The following TNNI3K variants were observed in gnomAD, a reference collection of about 807,000 sequenced individuals.
The protein encoded by TNNI3K is serine/threonine-protein kinase TNNI3K.
TNNI3K carries 140 observed loss-of-function variants against 114.5 expected under a neutral mutation model. The observed-to-expected ratio is 1.22, with a 90% CI of 1.07 to 1.41. The LOEUF (loss-of-function observed/expected upper bound fraction) is 1.41, where lower values mean the gene tolerates loss of function less well. Ranked by LOEUF, TNNI3K falls within the 40% of genes most tolerant of loss-of-function variation. The probability of loss-of-function intolerance (pLI) is 0.00; values close to 1 mark genes in which losing one functional copy is unlikely to be tolerated. For synonymous variants in TNNI3K, 347 were observed against 347.5 expected (o/e 1.00, Z 0.02); for missense variants, 1,125 against 1,007.6 (o/e 1.12, Z -1.58).
At chr1:74,373,800 A>T (rs1183097886) in intron 17 of TNNI3K, 4 of 151,634 alleles carry the variant, frequency 2.6e-5, no homozygotes, top group Non-Finnish European at 5.9e-5. Flanking sequence ...TGTTTGAGTG[A>T]AAAAAAAGAA....
intron 23 of TNNI3K, among the ~76,000 whole-genome samples, chr1:74,521,685 C>G (rs536348783): frequency 6.6e-6 from 1 of 152,256 alleles, no homozygotes; most frequent in East Asian, 1.9e-4. Context: ...AGTCGCTATT[C>G]TCGCAGAGTT....
At chr1:74,465,482 C>T (rs1389010861) in intron 21 of TNNI3K, among the ~76,000 whole-genome samples, 2 of 152,350 alleles carry the variant, frequency 1.3e-5, no homozygotes, top group African/African-American at 4.8e-5. Context: ...CACCAGGCCT[C>T]AGCTGCCTCC....
rs1479301084 is a variant in TNNI3K at position 74,236,186 on chromosome 1, T to C, written c.125T>C (p.Leu42Pro). 1.2e-6 allele frequency: 2 copies of C among 1,607,196 alleles called. No individual in the cohort carries two copies. The highest frequency in any genetic ancestry group is 1.7e-6 in the Non-Finnish European group (2 of 1,175,386). Residue 42 changes from leucine (L) to proline (P), a missense_variant, in exon 2 of 25, where the codon CTG (leucine) becomes CCG (proline). Transcript: ENST00000326637. ...GACCTGCAGATCAAGGAAAAAGAAC[T>C]GACAGAACTAAGGAATATATTTGGG... ...EDDLQIKEKELTELRNIFGSD... is the reference protein window; with the variant it reads ...EDDLQIKEKEPTELRNIFGSD...
chr1:74,381,988 A>C (rs1292972049), intron 17 of TNNI3K, among the ~76,000 whole-genome samples: 1 of 152,170 alleles, frequency 6.6e-6, no homozygotes, highest in Non-Finnish European at 1.5e-5. Context: ...TGTGTATAGC[A>C]CCTATGTGGT....
chr1:74,423,629 G>A (rs926074449), intron 17 of TNNI3K, among the ~76,000 whole-genome samples: 12 of 152,126 alleles, frequency 7.9e-5, no homozygotes, highest in African/African-American at 2.2e-4. Flanking sequence ...AAAATATCTC[G>A]CTGTGTTACC....
At chr1:74,513,623 G>A (rs1458508968) in intron 23 of TNNI3K, among the ~76,000 whole-genome samples, 1 of 152,164 alleles carries the variant, frequency 6.6e-6, no homozygotes, top group Non-Finnish European at 1.5e-5. Context: ...AGTGTTAAAT[G>A]TTTAACATCT....
rs1460468795 is a variant in TNNI3K at position 74,342,950 on chromosome 1, A to T, written c.791A>T (p.His264Leu). The T allele has an allele frequency of 1.9e-6, 3 of 1,613,760 alleles. No homozygotes were observed. The South Asian group carries it at 3.3e-5, about 18-fold the overall frequency. The stretch of plus-strand genomic sequence containing the variant: ...CAAAGTGATTTGGAAGTTCAACCTC[A>T]TGTTGTTAATATCTATGGAGATACC... ...LLQSDLEVQP[H>L]VVNIYGDTPL... The change falls in exon 8 of 25, where the codon CAT becomes CTT. Residue 264 changes from histidine (H) to leucine (L), a missense_variant. Transcript: ENST00000326637.
At chr1:74,517,645 T>C (rs1646368331) in intron 23 of TNNI3K, among the ~76,000 whole-genome samples, 1 of 152,180 alleles carries the variant, frequency 6.6e-6, no homozygotes, top group African/African-American at 2.4e-5. Context: ...CAACCTCAAT[T>C]AGGTTCTATT....
chr1:74,410,754 G>T (rs792695), intron 17 of TNNI3K, among the ~76,000 whole-genome samples: 2 of 152,166 alleles, frequency 1.3e-5, no homozygotes, highest in African/African-American at 4.8e-5. Context: ...GCCAGTAGGG[G>T]TCTTGAATTG....
chr1:74,492,390 T>C, intron 23 of TNNI3K, 124 bp downstream of exon 23: 1 of 1,240,470 alleles, frequency 8.1e-7, no homozygotes. Context: ...GAAAGAGGAG[T>C]TTTCAGCCCA....
At chr1:74,347,783 G>T (rs892538247) in intron 9 of TNNI3K, among the ~76,000 whole-genome samples, 1 of 152,078 alleles carries the variant, frequency 6.6e-6, no homozygotes, top group African/African-American at 2.4e-5. Context: ...GTGTTTTTTG[G>T]CTGCATAAAT....
chr1:74,236,341 G>A, intron 2 of TNNI3K, 131 bp downstream of exon 2: 1 of 669,320 alleles, frequency 1.5e-6, no homozygotes, highest in Non-Finnish European at 2.4e-6. Context: ...GCCTTAGGAT[G>A]TCAGATTATC....
intron 23 of TNNI3K, among the ~76,000 whole-genome samples, chr1:74,502,506 A>G (rs1292997697): frequency 6.6e-6 from 1 of 152,248 alleles, no homozygotes; most frequent in Non-Finnish European, 1.5e-5. Flanking sequence ...TTTTCATTAC[A>G]TCATGCTATC....
chr1:74,429,168 G>A (rs919464010), intron 17 of TNNI3K, among the ~76,000 whole-genome samples: 8 of 151,954 alleles, frequency 5.3e-5, no homozygotes, highest in African/African-American at 1.9e-4. Context: ...TCAAAACCAG[G>A]ACCTCCAGCA....
At position 74,246,372 on chromosome 1, in the gene TNNI3K, G is replaced by A. The variant is rs568104053; in HGVS notation, c.150-3087G>A. On this transcript the variant is annotated intron_variant, in intron 2 of 24. Coordinates refer to ENST00000326637, the MANE Select transcript of TNNI3K (RefSeq NM_015978.3). ...ACTTCAAATAGTAGAGGTATTCAGC[G>A]GAGCTGAACTCTGCCTTTCAAGCTA... 7.9e-5 allele frequency among the ~76,000 whole-genome samples: 12 copies of A among 152,316 alleles called. No homozygotes were observed. The South Asian group carries it at 1.0e-3, about 13-fold the overall frequency.
chr1:74,411,902 C>A (rs1256419779), intron 17 of TNNI3K, among the ~76,000 whole-genome samples: 1 of 151,884 alleles, frequency 6.6e-6, no homozygotes, highest in African/African-American at 2.4e-5. Context: ...GCATTCCAGG[C>A]TGAGAGAATT....
In TNNI3K at chr1:74,456,269, T is replaced by C. The variant is rs561686158; in HGVS notation, c.2012-7172T>C. Among the ~76,000 whole-genome samples, 203 of 152,134 alleles carry C rather than the reference T, an allele frequency of 1.3e-3. 1 individual carries two copies. Among genetic ancestry groups the C allele is most frequent in the Non-Finnish European group, 2.0e-3 (137 of 68,024 alleles). ...GGAGGTCAAGAAAGACTTCCAGGCT[T>C]CTGGCTTAACCATCATGATAATGAT... On this transcript the variant is annotated intron_variant, in intron 20 of 24. Coordinates refer to ENST00000326637, the MANE Select transcript of TNNI3K (RefSeq NM_015978.3).
chr1:74,313,081 G>A lies in TNNI3K; in HGVS notation c.445-18369G>A, dbSNP rs145219579. On this transcript the variant is annotated intron_variant, in intron 5 of 24. Transcript: ENST00000326637. ...GAATGGCTCACTGTCTTGGATCCTA[G>A]AGCCTGGGATTCTTCTGGTTTATAT... is the stretch of plus-strand genomic sequence containing the variant. 1.9e-4 allele frequency among the ~76,000 whole-genome samples: 29 copies of A among 152,206 alleles called. No homozygotes were observed. The East Asian group carries it at 4.2e-3, about 22-fold the overall frequency.
chr1:74,458,664 T>C (rs963302214), intron 20 of TNNI3K, among the ~76,000 whole-genome samples: 3 of 152,216 alleles, frequency 2.0e-5, no homozygotes, highest in Non-Finnish European at 4.4e-5. Flanking sequence ...GCTATCATCT[T>C]CATTCATTTA....
Sources: gnomAD v4.1 joint callset for allele counts (sites outside exome capture counted in the v4.1 genomes callset) on GRCh38, gnomAD v4.1.1 for gene constraint, MANE v1.5 for transcripts, NCBI Gene and HGNC (gene_info 2026-07-23, HGNC 2026-07-21) for gene names.